The following COL19A1 variants were observed in gnomAD, a reference collection of about 807,000 sequenced individuals.
COL19A1 encodes collagen alpha-1(XIX) chain.
COL19A1 carries 159 observed loss-of-function variants against 190.2 expected under a neutral mutation model. The ratio of observed to expected loss-of-function variants is 0.84; its 90% CI spans 0.73 to 0.95. The LOEUF is 0.95. COL19A1 is among the 40% of genes least tolerant of loss of function. The pLI is 0.00. For missense variants in COL19A1, 1,418 were observed against 1,431.9 expected, an observed-to-expected ratio of 0.99 and a Z score of 0.16; for synonymous variants, 509 against 458.9, an observed-to-expected ratio of 1.11 and a Z score of -1.39.
chr6:70,063,062 G>A (rs1582815581), intron 14 of COL19A1, among the ~76,000 whole-genome samples: 1 of 152,132 alleles, frequency 6.6e-6, no homozygotes. Context: ...GTCAACATTA[G>A]ACAGATGAAT....
At chr6:70,064,429 C>T (rs984400466) in intron 14 of COL19A1, among the ~76,000 whole-genome samples, 1 of 152,156 alleles carries the variant, frequency 6.6e-6, no homozygotes, top group Non-Finnish European at 1.5e-5. Flanking sequence ...GCTAAAAACT[C>T]TCAATAAATT....
chr6:70,095,247 G>A (rs1007089131), intron 15 of COL19A1, among the ~76,000 whole-genome samples: 6 of 151,996 alleles, frequency 3.9e-5, no homozygotes, highest in Non-Finnish European at 7.4e-5. Context: ...TCCATTGTAT[G>A]AATAAACCAC....
chr6:69,868,796 G>T lies in COL19A1; in HGVS notation c.-33+2156G>T, dbSNP rs551774645. On this transcript the variant is annotated intron_variant, in intron 1 of 50. Coordinates refer to ENST00000620364, the MANE Select transcript of COL19A1 (RefSeq NM_001858.6). Reference sequence around the variant, plus strand: ...ATGGAAAATTTCCATCTACTTTCTGGTCCTCCAGTTTAATCTCTCCTGCTG... The same window carrying T: ...ATGGAAAATTTCCATCTACTTTCTGTTCCTCCAGTTTAATCTCTCCTGCTG... Among the ~76,000 whole-genome samples, 3 of 152,218 alleles carry T rather than the reference G, an allele frequency of 2.0e-5. No homozygotes were observed. The South Asian group carries it at 6.2e-4, about 32-fold the overall frequency.
chr6:70,082,589 T>C (rs1405035349), intron 15 of COL19A1, among the ~76,000 whole-genome samples: 2 of 152,092 alleles, frequency 1.3e-5, no homozygotes, highest in Admixed American at 1.3e-4. Flanking sequence ...ATTTTGTATT[T>C]TTAGTAGAGA....
chr6:70,018,542 C>T (rs1336506025), intron 11 of COL19A1, among the ~76,000 whole-genome samples: 3 of 152,030 alleles, frequency 2.0e-5, no homozygotes, highest in Non-Finnish European at 4.4e-5. Flanking sequence ...AATGACAGAT[C>T]ATGGATGGAC....
At chr6:70,168,513 T>C in intron 39 of COL19A1, 142 bp from the exon 40 acceptor site, 1 of 700,272 alleles carries the variant, frequency 1.4e-6, no homozygotes, top group South Asian at 2.2e-5. Context: ...TTATTCATCT[T>C]ATTCTTCAAA....
chr6:69,949,847 ATAAC>A (rs1184776110), intron 9 of COL19A1, among the ~76,000 whole-genome samples: 2 of 151,878 alleles, frequency 1.3e-5, no homozygotes, highest in Non-Finnish European at 2.9e-5. Flanking sequence ...TAAAAAATAA[ATAAC>A]TAGGTTGAAT....
intron 11 of COL19A1, among the ~76,000 whole-genome samples, chr6:69,999,444 G>A (rs545814107): frequency 6.6e-6 from 1 of 152,228 alleles, no homozygotes; most frequent in Non-Finnish European, 1.5e-5. Flanking sequence ...TGAGGCTGAA[G>A]CATCACTTGA....
At chr6:70,098,101 C>G (rs996277981) in intron 15 of COL19A1, among the ~76,000 whole-genome samples, 15 of 152,150 alleles carry the variant, frequency 9.9e-5, no homozygotes, top group Non-Finnish European at 1.5e-5. Context: ...TACCTACTAC[C>G]AACCGCCGCA....
chr6:70,164,705 T>C (rs142639439), intron 36 of COL19A1, among the ~76,000 whole-genome samples: 19 of 152,264 alleles, frequency 1.2e-4, no homozygotes, highest in Non-Finnish European at 1.6e-4. Context: ...AAAAAGACTT[T>C]TCAGTAGGCA....
intron 1 of COL19A1, among the ~76,000 whole-genome samples, chr6:69,874,172 C>A (rs954438196): frequency 6.6e-6 from 1 of 152,024 alleles, no homozygotes; most frequent in African/African-American, 2.4e-5. Flanking sequence ...CAAGAAGAAG[C>A]CTGAGAACCG....
chr6:70,184,769 A>T (rs1000628180), intron 45 of COL19A1, 31 bp downstream of exon 45: 15 of 1,603,644 alleles, frequency 9.4e-6, no homozygotes, highest in Non-Finnish European at 1.2e-5. Context: ...AATAAAAGTT[A>T]TAATGCATAC....
At chr6:70,068,265 A>G (rs971897938) in intron 14 of COL19A1, among the ~76,000 whole-genome samples, 158 bp from the exon 15 acceptor site, 2 of 152,024 alleles carry the variant, frequency 1.3e-5, no homozygotes, top group Non-Finnish European at 2.9e-5. Context: ...AGGGCAATTC[A>G]TCATTATTAA....
chr6:69,925,236 T>A (rs1457826805), intron 4 of COL19A1, among the ~76,000 whole-genome samples: 1 of 152,220 alleles, frequency 6.6e-6, no homozygotes, highest in Non-Finnish European at 1.5e-5. Context: ...ATTTAAGTCT[T>A]TAATCCATCT....
chr6:69,873,253 G>GA (rs372359269), intron 1 of COL19A1, among the ~76,000 whole-genome samples: 5,724 of 141,792 alleles, frequency 0.04, 344 homozygotes, highest in African/African-American at 0.13. Context: ...GAAATTCCCT[G>GA]AAAAAAAAAA....
At chr6:70,196,837 G>A (rs1583147228) in intron 48 of COL19A1, among the ~76,000 whole-genome samples, 1 of 152,102 alleles carries the variant, frequency 6.6e-6, no homozygotes, top group Non-Finnish European at 1.5e-5. Context: ...AAGAATAAAG[G>A]CCTTTACAAT....
intron 49 of COL19A1, 147 bp from the exon 50 acceptor site, chr6:70,206,754 G>A (rs749025803): frequency 1.7e-6 from 1 of 599,430 alleles, no homozygotes; most frequent in Non-Finnish European, 2.8e-6. Context: ...TTAATATGTG[G>A]TTAATGCAAA....
At chr6:70,044,525 C>T (rs1031935222) in intron 14 of COL19A1, among the ~76,000 whole-genome samples, 13 of 152,088 alleles carry the variant, frequency 8.5e-5, no homozygotes, top group Non-Finnish European at 1.8e-4. Context: ...ATGAGAGATG[C>T]GCAACTCTTC....
intron 9 of COL19A1, among the ~76,000 whole-genome samples, chr6:69,952,015 G>A (rs932063637): frequency 6.6e-6 from 1 of 151,874 alleles, no homozygotes; most frequent in Non-Finnish European, 1.5e-5. Flanking sequence ...AGTTTAGTGA[G>A]TGAACTGCAG....
Sources: gnomAD v4.1 joint callset for allele counts (sites outside exome capture counted in the v4.1 genomes callset) on GRCh38, gnomAD v4.1.1 for gene constraint, MANE v1.5 for transcripts, NCBI Gene and HGNC (gene_info 2026-07-23, HGNC 2026-07-21) for gene names.